Variants in NTNG1 observed in about 807,000 individuals in gnomAD.
NTNG1 encodes the protein netrin-G1.
A neutral mutation model predicts 54.0 loss-of-function variants in NTNG1; 16 were observed. The ratio of observed to expected loss-of-function variants is 0.30; its 90% CI spans 0.20 to 0.45. NTNG1 has a LOEUF of 0.45. Ranked by LOEUF, NTNG1 falls within the 20% of genes least tolerant of loss-of-function variation. The pLI, the probability that NTNG1 is intolerant of heterozygous loss-of-function variation, is 1.00. For missense variants in NTNG1, 530 were observed against 678.7 expected, an observed-to-expected ratio of 0.78 and a Z score of 2.43; for synonymous variants, 255 against 263.1, an observed-to-expected ratio of 0.97 and a Z score of 0.30.
intron 5 of NTNG1, among the ~76,000 whole-genome samples, chr1:107,427,326 A>C (rs1674975532): frequency 6.6e-6 from 1 of 152,040 alleles, no homozygotes; most frequent in Non-Finnish European, 1.5e-5. Flanking sequence ...TGGACTATGG[A>C]TACTATATAA....
chr1:107,207,803 C>T (rs1410096148), intron 2 of NTNG1, among the ~76,000 whole-genome samples: 1 of 152,134 alleles, frequency 6.6e-6, no homozygotes, highest in Non-Finnish European at 1.5e-5. Flanking sequence ...TGCCTGTAAA[C>T]TATTTTAGGA....
chr1:107,402,766 C>T (rs1390744167), intron 4 of NTNG1, among the ~76,000 whole-genome samples: 1 of 152,098 alleles, frequency 6.6e-6, no homozygotes, highest in East Asian at 1.9e-4. Context: ...TGTTTTCTTA[C>T]TCATTATCTG....
chr1:107,300,790 T>G (rs1666269532), intron 2 of NTNG1, among the ~76,000 whole-genome samples: 1 of 152,156 alleles, frequency 6.6e-6, no homozygotes, highest in African/African-American at 2.4e-5. Context: ...GAATACAGAG[T>G]TAATGTTAAC....
intron 5 of NTNG1, among the ~76,000 whole-genome samples, chr1:107,416,323 A>G (rs1181814233): frequency 7.9e-5 from 12 of 152,230 alleles, no homozygotes; most frequent in Non-Finnish European, 1.3e-4. Flanking sequence ...GAAAAAAAAA[A>G]GTCGAATTAC....
intron 7 of NTNG1, among the ~76,000 whole-genome samples, chr1:107,465,939 G>T (rs960315775): frequency 6.6e-6 from 1 of 152,206 alleles, no homozygotes. Flanking sequence ...TTTTAATTGT[G>T]TGTGTGTGCA....
chr1:107,316,733 A>G (rs190651006), intron 2 of NTNG1, among the ~76,000 whole-genome samples: 200 of 152,308 alleles, frequency 1.3e-3, no homozygotes, highest in African/African-American at 4.6e-3. Context: ...CTTTAGGCGC[A>G]TGAGCAACCC....
At chr1:107,220,508 T>C (rs959982102) in intron 2 of NTNG1, among the ~76,000 whole-genome samples, 3 of 152,246 alleles carry the variant, frequency 2.0e-5, no homozygotes, top group African/African-American at 7.2e-5. Flanking sequence ...CTACATACAG[T>C]ATCAGCTTTT....
chr1:107,348,782 T>C (rs1277386686), intron 3 of NTNG1, among the ~76,000 whole-genome samples: 1 of 152,208 alleles, frequency 6.6e-6, no homozygotes, highest in Non-Finnish European at 1.5e-5. Flanking sequence ...TTGCACCTAG[T>C]AAGTGCACAA....
chr1:107,250,974 G>C (rs531583277), intron 2 of NTNG1, among the ~76,000 whole-genome samples: 1 of 152,120 alleles, frequency 6.6e-6, no homozygotes, highest in Admixed American at 6.5e-5. Context: ...TTTCATGCAT[G>C]GTTATTCTTA....
At position 107,371,278 on chromosome 1, in the gene NTNG1, T is replaced by C. The variant is rs553554879; in HGVS notation, c.888-23876T>C. On this transcript the variant is annotated intron_variant, in intron 3 of 7. Transcript: ENST00000370068. ...TGAATTACATTAATTCATTGTTGAATGTTAAAACAACCCTGCATTTCTGGA... is the reference window on the plus strand; with the variant it reads ...TGAATTACATTAATTCATTGTTGAACGTTAAAACAACCCTGCATTTCTGGA... 7.9e-5 allele frequency among the ~76,000 whole-genome samples: 12 copies of C among 152,208 alleles called. No individual in the cohort carries two copies. The South Asian group carries it at 2.5e-3, about 31-fold the overall frequency.
At chr1:107,368,659 A>G (rs1010514723) in intron 3 of NTNG1, among the ~76,000 whole-genome samples, 1 of 152,056 alleles carries the variant, frequency 6.6e-6, no homozygotes, top group African/African-American at 2.4e-5. Flanking sequence ...TACTCTTCAT[A>G]TCAGGAACAT....
intron 3 of NTNG1, among the ~76,000 whole-genome samples, chr1:107,389,067 A>G (rs1392858776): frequency 6.6e-6 from 1 of 152,258 alleles, no homozygotes; most frequent in Non-Finnish European, 1.5e-5. Flanking sequence ...GGCCTCATTA[A>G]GGAAAAACCC....
intron 7 of NTNG1, among the ~76,000 whole-genome samples, chr1:107,455,103 G>A (rs538275276): frequency 3.7e-4 from 55 of 149,174 alleles, no homozygotes; most frequent in South Asian, 8.5e-4. Context: ...TGCTTTTGTC[G>A]CCCAGGCTGG....
intron 2 of NTNG1, among the ~76,000 whole-genome samples, chr1:107,300,008 C>G (rs1327827827): frequency 6.6e-6 from 1 of 152,112 alleles, no homozygotes; most frequent in Admixed American, 6.5e-5. Context: ...TGGCCGTTGC[C>G]ATTTTCCTTT....
At chr1:107,369,906 G>A (rs1488632034) in intron 3 of NTNG1, among the ~76,000 whole-genome samples, 2 of 152,144 alleles carry the variant, frequency 1.3e-5, no homozygotes, top group Non-Finnish European at 2.9e-5. Context: ...ATTAATTTTT[G>A]TAAGCGATGA....
intron 2 of NTNG1, among the ~76,000 whole-genome samples, chr1:107,205,887 C>T (rs1557808283): frequency 6.6e-6 from 1 of 152,124 alleles, no homozygotes. Flanking sequence ...TGTTTTTGAA[C>T]TTATACGTGG....
chr1:107,241,325 A>G (rs1388723870), intron 2 of NTNG1, among the ~76,000 whole-genome samples: 1 of 152,206 alleles, frequency 6.6e-6, no homozygotes, highest in Non-Finnish European at 1.5e-5. Flanking sequence ...CTCTTTTGAT[A>G]AATTACTAAT....
At chr1:107,422,097 C>T (rs1557986662) in intron 5 of NTNG1, among the ~76,000 whole-genome samples, 1 of 151,980 alleles carries the variant, frequency 6.6e-6, no homozygotes. Flanking sequence ...AAAAGGGAAA[C>T]CAAGAGTATT....
chr1:107,439,277 CGTGTGT>C lies in NTNG1; in HGVS notation c.1390+2502_1390+2507del, dbSNP rs3064151. 1.4e-3 allele frequency among the ~76,000 whole-genome samples: 200 copies of C among 145,890 alleles called. 5 individuals are homozygous for C. In the South Asian group the frequency reaches 0.025, roughly 19 times the overall value. On this transcript the variant is annotated intron_variant, in intron 7 of 7. Coordinates refer to ENST00000370068, the MANE Select transcript of NTNG1 (RefSeq NM_001113226.3). ...CTAACACACTGTGTTCCAGAACTTG[CGTGTGT>C]GTGTGTGTGTGTGTGTGTGTGTGAG...
Sources: gnomAD v4.1 joint callset for allele counts (sites outside exome capture counted in the v4.1 genomes callset) on GRCh38, gnomAD v4.1.1 for gene constraint, MANE v1.5 for transcripts, NCBI Gene and HGNC (gene_info 2026-07-23, HGNC 2026-07-21) for gene names.